The following PPFIA2 variants were observed in gnomAD, a reference collection of about 807,000 sequenced individuals.
The protein encoded by PPFIA2 is liprin-alpha-2.
PPFIA2 carries 46 observed loss-of-function variants against 175.5 expected under a neutral mutation model. That is an observed-to-expected ratio of 0.26 (90% CI 0.21 to 0.34). The LOEUF (loss-of-function observed/expected upper bound fraction) is 0.34. Ranked by LOEUF, PPFIA2 falls within the 10% of genes least tolerant of loss-of-function variation. PPFIA2 has a pLI of 1.00. For synonymous variants in PPFIA2, 568 were observed against 511.4 expected, an observed-to-expected ratio of 1.11 and a Z score of -1.49; for missense variants, 1,179 against 1,506.1, an observed-to-expected ratio of 0.78 and a Z score of 3.60.
At chr12:81,752,430 T>A (rs904293826) in intron 3 of PPFIA2, among the ~76,000 whole-genome samples, 22 of 152,164 alleles carry the variant, frequency 1.4e-4, no homozygotes, top group African/African-American at 5.3e-4. Context: ...TTAAAAAATA[T>A]AATATTTGGT....
chr12:81,409,099 C>T (rs1185370054), intron 7 of PPFIA2, among the ~76,000 whole-genome samples: 2 of 152,272 alleles, frequency 1.3e-5, no homozygotes, highest in Non-Finnish European at 2.9e-5. Context: ...AGGAAATTCT[C>T]TTAGCTGGTT....
intron 4 of PPFIA2, among the ~76,000 whole-genome samples, chr12:81,580,471 A>G (rs1009510282): frequency 1.3e-5 from 2 of 151,860 alleles, no homozygotes; most frequent in Admixed American, 1.3e-4. Flanking sequence ...TGAACATCAA[A>G]CAGATTGAAA....
At chr12:81,368,267 T>C in intron 13 of PPFIA2, 1 of 765,018 alleles carries the variant, frequency 1.3e-6, no homozygotes, top group South Asian at 1.5e-5. Context: ...CTAAACCCTC[T>C]ACTGGGATTG....
intron 27 of PPFIA2, among the ~76,000 whole-genome samples, chr12:81,278,875 A>T (rs1212191253): frequency 6.6e-6 from 1 of 152,222 alleles, no homozygotes; most frequent in African/African-American, 2.4e-5. Context: ...TGGCCAGATT[A>T]CACTTACTTG....
intron 28 of PPFIA2, among the ~76,000 whole-genome samples, chr12:81,273,314 TC>T (rs2039638682): frequency 6.6e-6 from 1 of 152,068 alleles, no homozygotes; most frequent in Admixed American, 6.6e-5. Flanking sequence ...TAAATTCCAA[TC>T]CCCACCACCA....
Position 81,353,527 on chromosome 12 carries a change from A to C in PPFIA2, c.1774-188T>G, listed in dbSNP as rs976540188. On this transcript the variant is annotated intron_variant, in intron 16 of 32. Transcript: ENST00000549396. Reference sequence around the variant, plus strand: ...CTTGACATCTTAAGTAATGTGAGGGATTGTCAGTATAAATATCAAGATTTT... The same window carrying C: ...CTTGACATCTTAAGTAATGTGAGGGCTTGTCAGTATAAATATCAAGATTTT... 3.9e-5 allele frequency among the ~76,000 whole-genome samples: 6 copies of C among 152,166 alleles called. 1 individual carries two copies. Among genetic ancestry groups the C allele is most frequent in the African/African-American group, 1.4e-4 (6 of 41,448 alleles).
At chr12:81,276,621 T>C (rs987480997) in intron 28 of PPFIA2, among the ~76,000 whole-genome samples, 7 of 152,188 alleles carry the variant, frequency 4.6e-5, no homozygotes, top group Non-Finnish European at 1.0e-4. Flanking sequence ...TTTGAAATTA[T>C]CCTTTGTCGG....
chr12:81,291,839 G>A (rs1210026245), intron 24 of PPFIA2, among the ~76,000 whole-genome samples: 1 of 151,996 alleles, frequency 6.6e-6, no homozygotes, highest in Non-Finnish European at 1.5e-5. Context: ...TGGGCAAAGG[G>A]AAGACCAACT....
intron 10 of PPFIA2, among the ~76,000 whole-genome samples, chr12:81,375,293 G>A (rs1431719345): frequency 2.6e-5 from 4 of 152,128 alleles, no homozygotes; most frequent in East Asian, 1.9e-4. Flanking sequence ...ATTGGGCATG[G>A]CTGTGTTCCA....
chr12:81,699,336 T>C (rs2076238900), intron 3 of PPFIA2, among the ~76,000 whole-genome samples: 1 of 151,914 alleles, frequency 6.6e-6, no homozygotes, highest in African/African-American at 2.4e-5. Context: ...AATATATTAA[T>C]ACATCAAAAG....
intron 4 of PPFIA2, among the ~76,000 whole-genome samples, chr12:81,563,468 G>A (rs553659631): frequency 2.6e-5 from 4 of 152,250 alleles, no homozygotes; most frequent in South Asian, 4.1e-4. Flanking sequence ...GTGGAAAAAC[G>A]TGTTTACTCC....
intron 2 of PPFIA2, 140 bp from the exon 3 acceptor site, chr12:81,754,363 C>A: frequency 9.5e-7 from 1 of 1,053,116 alleles, no homozygotes; most frequent in Non-Finnish European, 1.4e-6. Context: ...CAAATCCAGC[C>A]AAGCAAAATG....
chr12:81,627,197 T>C (rs1000011712), intron 4 of PPFIA2, among the ~76,000 whole-genome samples: 1 of 152,012 alleles, frequency 6.6e-6, no homozygotes, highest in Admixed American at 6.6e-5. Context: ...TAATAGATAA[T>C]AGGAATAAAA....
At chr12:81,398,489 T>C (rs1052839204) in intron 8 of PPFIA2, among the ~76,000 whole-genome samples, 3 of 152,124 alleles carry the variant, frequency 2.0e-5, no homozygotes, top group African/African-American at 2.4e-5. Context: ...CATTTATTCT[T>C]TACTTACTTG....
chr12:81,294,435 TAGGTAGGAAGGAAGGA>T (rs2045910738), intron 24 of PPFIA2: 1 of 83,274 alleles, frequency 1.2e-5, no homozygotes, highest in Non-Finnish European at 2.2e-5. Context: ...GGAAGGAAGG[TAGGTAGGAAGGAAGGA>T]AGGAAGGAAG....
At chr12:81,688,612 A>C (rs1314552549) in intron 3 of PPFIA2, among the ~76,000 whole-genome samples, 1 of 151,090 alleles carries the variant, frequency 6.6e-6, no homozygotes, top group Non-Finnish European at 1.5e-5. Context: ...AAAAAAAAAA[A>C]CTTGGAGATT....
intron 7 of PPFIA2, among the ~76,000 whole-genome samples, chr12:81,408,715 A>T (rs2043364670): frequency 6.6e-6 from 1 of 152,204 alleles, no homozygotes; most frequent in African/African-American, 2.4e-5. Flanking sequence ...TATACATGAC[A>T]ATTAGTTCCA....
intron 4 of PPFIA2, among the ~76,000 whole-genome samples, chr12:81,551,532 T>C (rs776457539): frequency 1.3e-5 from 2 of 152,022 alleles, no homozygotes; most frequent in African/African-American, 2.4e-5. Flanking sequence ...ATTCGCATTG[T>C]ATTAGATATT....
intron 18 of PPFIA2, among the ~76,000 whole-genome samples, chr12:81,346,780 T>C (rs2059144928): frequency 6.6e-6 from 1 of 151,994 alleles, no homozygotes; most frequent in Non-Finnish European, 1.5e-5. Flanking sequence ...TAAAACTCTA[T>C]CTTGGTGTAT....
Sources: allele counts gnomAD v4.1 joint callset (sites outside exome capture counted in the v4.1 genomes callset), GRCh38; gene constraint gnomAD v4.1.1; transcripts MANE v1.5; gene names NCBI Gene and HGNC (gene_info 2026-07-23, HGNC 2026-07-21).